COL23A1: variants seen among roughly 807,000 people sequenced by gnomAD.
COL23A1 encodes collagen type XXIII alpha 1 chain.
In COL23A1, 97 loss-of-function variants were observed where a neutral mutation model predicts 99.3. That is an observed-to-expected ratio of 0.98 (90% CI 0.83 to 1.16). The LOEUF (loss-of-function observed/expected upper bound fraction) is 1.16, where lower values mean the gene tolerates loss of function less well. COL23A1 is among the 50% of genes most tolerant of loss of function. The probability of loss-of-function intolerance (pLI) is 0.00; values close to 1 mark genes in which losing one functional copy is unlikely to be tolerated. For synonymous variants in COL23A1, 320 were observed against 308.2 expected (o/e 1.04, Z -0.40); for missense variants, 762 against 757.4 (o/e 1.01, Z -0.07).
chr5:178,521,335 C>T lies in COL23A1; in HGVS notation c.361+39347G>A, dbSNP rs1230048601. 4.3e-4 allele frequency among the ~76,000 whole-genome samples: 66 copies of T among 151,992 alleles called. 1 individual carries two copies. The highest frequency in any genetic ancestry group is 2.4e-5 in the African/African-American group (1 of 41,382). On this transcript the variant is annotated intron_variant, in intron 2 of 28. Transcript: ENST00000390654. ...TTGGGAGGCCAAGGCAGGTGGATCA[C>T]GAGGTCAGGAGATGGAGACCATCCT...
At chr5:178,538,007 G>A (rs1346284768) in intron 2 of COL23A1, among the ~76,000 whole-genome samples, 4 of 152,220 alleles carry the variant, frequency 2.6e-5, no homozygotes, top group Non-Finnish European at 4.4e-5. Context: ...TGGCTTAGTC[G>A]AATTCATCCA....
chr5:178,356,253 C>T (rs571720971), intron 2 of COL23A1, among the ~76,000 whole-genome samples: 8 of 152,040 alleles, frequency 5.3e-5, no homozygotes, highest in Non-Finnish European at 4.4e-5. Context: ...TTTAGGGTGA[C>T]GATCATGGTC....
chr5:178,274,573 G>GGT (rs1387361939), intron 5 of COL23A1, among the ~76,000 whole-genome samples: 2 of 137,468 alleles, frequency 1.5e-5, no homozygotes, highest in South Asian at 2.2e-4. Flanking sequence ...TGGTTGGCTG[G>GGT]GTGTGGGGGG....
intron 2 of COL23A1, among the ~76,000 whole-genome samples, chr5:178,547,475 ACC>A (rs1268912457): frequency 7.6e-6 from 1 of 131,484 alleles, no homozygotes. Context: ...ACACCCACAC[ACC>A]CACACACACA....
intron 1 of COL23A1, among the ~76,000 whole-genome samples, chr5:178,570,088 C>T (rs563404594): frequency 3.2e-4 from 49 of 151,340 alleles, no homozygotes; most frequent in Non-Finnish European, 6.5e-4. Flanking sequence ...GTCAGAGTAT[C>T]ACAGTTCATT....
At position 178,306,060 on chromosome 5, in the gene COL23A1, C is replaced by T. The variant is rs1758335433; in HGVS notation, c.406+815G>A. On this transcript the variant is annotated intron_variant, in intron 3 of 28. Coordinates refer to ENST00000390654, the MANE Select transcript of COL23A1 (RefSeq NM_173465.4). This position sits in a 1 kb window ranked among gnomAD's most constrained non-coding sequence, Gnocchi z 4.1. ...TGGTCAGTGTCACAGCAGTGGGAGACTGTGGGAGAGAGGAGAGGAGACGAC... is the reference window on the plus strand; with the variant it reads ...TGGTCAGTGTCACAGCAGTGGGAGATTGTGGGAGAGAGGAGAGGAGACGAC... Among the ~76,000 whole-genome samples, 1 of 151,776 alleles carries T rather than the reference C, an allele frequency of 6.6e-6. No individual in the cohort carries two copies. The highest frequency in any genetic ancestry group is 1.5e-5 in the Non-Finnish European group (1 of 67,966).
At chr5:178,528,497 G>A (rs1760449882) in intron 2 of COL23A1, among the ~76,000 whole-genome samples, 4 of 152,156 alleles carry the variant, frequency 2.6e-5, no homozygotes, top group Admixed American at 2.6e-4. Flanking sequence ...GTTCCAAGAT[G>A]AGCAAGTGAC....
At chr5:178,243,505 A>G (rs1015964565) in intron 25 of COL23A1, among the ~76,000 whole-genome samples, 1 of 151,234 alleles carries the variant, frequency 6.6e-6, no homozygotes, top group Admixed American at 6.6e-5. Context: ...AAAAAAAAAA[A>G]GAAACAATTT....
chr5:178,578,115 A>AC, intron 1 of COL23A1, among the ~76,000 whole-genome samples: 1 of 146,806 alleles, frequency 6.8e-6, no homozygotes, highest in South Asian at 2.2e-4. Flanking sequence ...ACATGCACAC[A>AC]TTCATGCACA....
At chr5:178,526,636 G>A (rs1357957770) in intron 2 of COL23A1, among the ~76,000 whole-genome samples, 1 of 152,146 alleles carries the variant, frequency 6.6e-6, no homozygotes, top group East Asian at 1.9e-4. Context: ...TGCTGCCGTG[G>A]AGCTTCTTGG....
At chr5:178,362,813 G>GATGGCACAGCCCAGCCC (rs1581232759) in intron 2 of COL23A1, among the ~76,000 whole-genome samples, 3 of 152,070 alleles carry the variant, frequency 2.0e-5, no homozygotes, top group South Asian at 4.1e-4. Context: ...GAGGCTGCCC[G>GATGGCACAGCCCAGCCC]ATGGCACAGC....
At chr5:178,287,961 C>T (rs1173636709) in intron 5 of COL23A1, among the ~76,000 whole-genome samples, 4 of 152,198 alleles carry the variant, frequency 2.6e-5, no homozygotes, top group Non-Finnish European at 5.9e-5. Context: ...TGACGAGGAG[C>T]GGTGGCTGGG....
intron 2 of COL23A1, among the ~76,000 whole-genome samples, chr5:178,539,187 C>T (rs1257144920): frequency 6.6e-6 from 1 of 152,170 alleles, no homozygotes; most frequent in African/African-American, 2.4e-5. Flanking sequence ...CTAAGAACCA[C>T]TGAATTGCAT....
chr5:178,530,674 A>T (rs1443010073), intron 2 of COL23A1, among the ~76,000 whole-genome samples: 1 of 152,096 alleles, frequency 6.6e-6, no homozygotes, highest in Non-Finnish European at 1.5e-5. Flanking sequence ...CCAGGTGTAG[A>T]TGTTGCAGCC....
At chr5:178,297,721 T>G (rs1757820304) in intron 3 of COL23A1, among the ~76,000 whole-genome samples, 3 of 152,214 alleles carry the variant, frequency 2.0e-5, no homozygotes, top group Admixed American at 6.5e-5. Context: ...TGGGACCACA[T>G]CTGCCCAGTT....
At chr5:178,383,872 C>T in intron 2 of COL23A1, among the ~76,000 whole-genome samples, 1 of 121,114 alleles carries the variant, frequency 8.3e-6, no homozygotes, top group East Asian at 2.2e-4. Flanking sequence ...AACCTTACGA[C>T]AGAAATAGAA....
intron 6 of COL23A1, among the ~76,000 whole-genome samples, chr5:178,269,156 A>C (rs1290859612): frequency 1.3e-5 from 2 of 152,090 alleles, no homozygotes; most frequent in African/African-American, 2.4e-5. Context: ...GGCAGTAGAC[A>C]GAGATTCTCT....
intron 26 of COL23A1, 68 bp downstream of exon 26, chr5:178,242,273 G>A: frequency 6.4e-7 from 1 of 1,551,486 alleles, no homozygotes. Flanking sequence ...TGCTTCACCT[G>A]AGCCTCCACT....
At chr5:178,367,485 G>A (rs1175766032) in intron 2 of COL23A1, among the ~76,000 whole-genome samples, 1 of 152,208 alleles carries the variant, frequency 6.6e-6, no homozygotes, top group Non-Finnish European at 1.5e-5. Flanking sequence ...GCCCACTGTG[G>A]TAGACTGGGG....
Sources: allele counts gnomAD v4.1 joint callset (sites outside exome capture counted in the v4.1 genomes callset), GRCh38; gene constraint gnomAD v4.1.1; non-coding constraint Gnocchi (gnomAD v3.1); transcripts MANE v1.5; gene names NCBI Gene and HGNC (gene_info 2026-07-23, HGNC 2026-07-21).